The following DNAH8 variants were observed in gnomAD, a reference collection of about 807,000 sequenced individuals.
The protein encoded by DNAH8 is dynein axonemal heavy chain 8.
DNAH8 carries 382 observed loss-of-function variants against 562.1 expected under a neutral mutation model. The observed-to-expected ratio is 0.68, with a 90% CI of 0.63 to 0.74. The LOEUF is 0.74. DNAH8 is among the 30% of genes least tolerant of loss of function. The pLI, the probability that DNAH8 is intolerant of heterozygous loss-of-function variation, is 0.00. For missense variants in DNAH8, 5,203 were observed against 5,620.4 expected, an observed-to-expected ratio of 0.93 and a Z score of 2.37; for synonymous variants, 1,881 against 1,919.4, an observed-to-expected ratio of 0.98 and a Z score of 0.52.
In DNAH8 at chr6:38,756,911, C is replaced by T. The variant is rs137896537; in HGVS notation, c.1515+832C>T. 9.9e-5 allele frequency among the ~76,000 whole-genome samples: 15 copies of T among 151,128 alleles called. No individual in the cohort carries two copies. The South Asian group carries it at 1.0e-3, about 10-fold the overall frequency. Reference sequence around the variant, plus strand: ...TGTATGTGCCACATTTTCTTAATCCCGTCTATCATTGTTGGACATTTGGCT... The same window carrying T: ...TGTATGTGCCACATTTTCTTAATCCTGTCTATCATTGTTGGACATTTGGCT... On this transcript the variant is annotated intron_variant, in intron 10 of 92. Transcript: ENST00000327475.
At chr6:38,840,859 C>T (rs1218119936) in intron 33 of DNAH8, among the ~76,000 whole-genome samples, 1 of 151,968 alleles carries the variant, frequency 6.6e-6, no homozygotes, top group Non-Finnish European at 1.5e-5. Flanking sequence ...AAAGATTTTG[C>T]AATACTTTAT....
chr6:38,917,704 A>G (rs953029019), intron 69 of DNAH8, among the ~76,000 whole-genome samples: 7 of 152,236 alleles, frequency 4.6e-5, no homozygotes, highest in African/African-American at 1.7e-4. Context: ...CTTACCAGAA[A>G]GAAAACTTAC....
At chr6:38,870,688 C>T in intron 49 of DNAH8, 126 bp downstream of exon 49, 1 of 938,336 alleles carries the variant, frequency 1.1e-6, no homozygotes, top group Non-Finnish European at 1.6e-6. Context: ...ATATATACAT[C>T]ATTGCAAAAA....
chr6:38,828,252 C>T lies in DNAH8; in HGVS notation c.4152C>T (p.Thr1384=). 1 of 1,587,458 alleles carries T rather than the reference C, an allele frequency of 6.3e-7. No individual in the cohort carries two copies. Among genetic ancestry groups the T allele is most frequent in the Non-Finnish European group, 8.6e-7 (1 of 1,168,976 alleles). Residue 1384 remains threonine (T), a synonymous_variant, in exon 30 of 93, where the codon ACC becomes ACT. Transcript: ENST00000327475. ...VTKEESEAVD[T]LRYSFNKLQS... Reference sequence around the variant, plus strand: ...AAGAAGAATCAGAAGCAGTTGATACCTTAAGATATTCTTTCAACAAATTGC... The same window carrying T: ...AAGAAGAATCAGAAGCAGTTGATACTTTAAGATATTCTTTCAACAAATTGC...
At chr6:38,793,359 TTAA>T (rs1471783021) in intron 21 of DNAH8, among the ~76,000 whole-genome samples, 2 of 152,096 alleles carry the variant, frequency 1.3e-5, no homozygotes, top group Non-Finnish European at 2.9e-5. Context: ...GTGTTCAAGT[TTAA>T]GATGATTATA....
At chr6:38,761,566 G>T (rs1027895273) in intron 10 of DNAH8, 136 bp from the exon 11 acceptor site, 3 of 436,054 alleles carry the variant, frequency 6.9e-6, no homozygotes, top group African/African-American at 6.3e-5. Context: ...AAAGTACTGG[G>T]ATTACAGGCA....
At chr6:38,817,587 C>T (rs887512173) in intron 26 of DNAH8, among the ~76,000 whole-genome samples, 5 of 152,170 alleles carry the variant, frequency 3.3e-5, no homozygotes, top group African/African-American at 1.2e-4. Context: ...ACAGCCCACT[C>T]AGGAGTGGCC....
chr6:38,852,118 C>T (rs1369139698), intron 39 of DNAH8, among the ~76,000 whole-genome samples: 1 of 152,060 alleles, frequency 6.6e-6, no homozygotes, highest in African/African-American at 2.4e-5. Context: ...TGGATTTGTC[C>T]TTTTTTCCTT....
chr6:38,864,094 G>C (rs1421744426), intron 45 of DNAH8, 34 bp downstream of exon 45: 7 of 1,577,650 alleles, frequency 4.4e-6, no homozygotes, highest in Non-Finnish European at 6.0e-6. Flanking sequence ...AATTTAATTA[G>C]TTTAATTGTT....
At chr6:38,754,357 AT>A in intron 9 of DNAH8, among the ~76,000 whole-genome samples, 1 of 152,182 alleles carries the variant, frequency 6.6e-6, no homozygotes, top group East Asian at 1.9e-4. Flanking sequence ...TTCTAGGCAT[AT>A]TTTTATTAGG....
Position 38,923,119 on chromosome 6 carries a change from A to C in DNAH8, c.10724A>C (p.Asp3575Ala), listed in dbSNP as rs751941460. 6.2e-7 allele frequency: 1 copy of C among 1,613,804 alleles called. No individual in the cohort carries two copies. The highest frequency in any genetic ancestry group is 2.2e-5 in the East Asian group (1 of 44,830). The change falls in exon 72 of 93, where the codon GAT (aspartate) becomes GCT (alanine). Residue 3575 changes from aspartate to alanine, a missense_variant. Coordinates refer to ENST00000327475, the MANE Select transcript of DNAH8 (RefSeq NM_001206927.2). ...KKMQAASTLIDGLSGEKIRWT... is the reference protein window; with the variant it reads ...KKMQAASTLIAGLSGEKIRWT... Reference sequence around the variant, plus strand: ...ATGCAGGCCGCCTCCACTCTCATCGATGGGCTGAGTGGAGAAAAAATCCGG... The same window carrying C: ...ATGCAGGCCGCCTCCACTCTCATCGCTGGGCTGAGTGGAGAAAAAATCCGG...
chr6:38,980,623 T>G (rs1763971475), intron 85 of DNAH8, among the ~76,000 whole-genome samples: 1 of 152,180 alleles, frequency 6.6e-6, no homozygotes, highest in African/African-American at 2.4e-5. Flanking sequence ...GCTGTCTACC[T>G]TGGATCAAAT....
chr6:38,718,915 C>G (rs77746362), intron 1 of DNAH8, among the ~76,000 whole-genome samples: 2,173 of 152,266 alleles, frequency 0.014, 48 homozygotes, highest in African/African-American at 0.05. Flanking sequence ...TAGTTTACCT[C>G]TTTACTTCTC....
At chr6:38,795,689 G>C (rs1770189443) in intron 21 of DNAH8, among the ~76,000 whole-genome samples, 1 of 152,140 alleles carries the variant, frequency 6.6e-6, no homozygotes. Flanking sequence ...CTAAGATCTA[G>C]TAACAGTTGG....
At chr6:38,750,959 A>G (rs1395604563) in intron 9 of DNAH8, among the ~76,000 whole-genome samples, 51 of 152,260 alleles carry the variant, frequency 3.3e-4, no homozygotes, top group Admixed American at 3.3e-3. Flanking sequence ...ATAGTGAATC[A>G]TTAATATAGT....
At chr6:38,721,606 T>C (rs1762758725) in intron 1 of DNAH8, among the ~76,000 whole-genome samples, 2 of 152,206 alleles carry the variant, frequency 1.3e-5, no homozygotes, top group African/African-American at 4.8e-5. Context: ...CAATGGTTCA[T>C]GTTGACACAT....
At chr6:38,919,685 G>A (rs756672824) in intron 70 of DNAH8, among the ~76,000 whole-genome samples, 60 of 152,062 alleles carry the variant, frequency 3.9e-4, no homozygotes, top group African/African-American at 1.4e-3. Flanking sequence ...AAAAATCCTG[G>A]GGTCTCATTC....
intron 12 of DNAH8, among the ~76,000 whole-genome samples, chr6:38,771,194 C>T (rs1269431553): frequency 6.6e-6 from 1 of 152,142 alleles, no homozygotes; most frequent in Non-Finnish European, 1.5e-5. Context: ...TCTTGTTCAT[C>T]ATTTGTTGGA....
chr6:38,966,403 C>A (rs1003510963), intron 82 of DNAH8, among the ~76,000 whole-genome samples: 2 of 152,108 alleles, frequency 1.3e-5, no homozygotes, highest in African/African-American at 4.8e-5. Context: ...TGAATTCTAG[C>A]AAAATTTTAA....
Sources: allele counts gnomAD v4.1 joint callset (sites outside exome capture counted in the v4.1 genomes callset), GRCh38; gene constraint gnomAD v4.1.1; transcripts MANE v1.5; gene names NCBI Gene and HGNC (gene_info 2026-07-23, HGNC 2026-07-21).